Variants in XIRP2 observed in about 807,000 individuals in gnomAD.
XIRP2 encodes the protein xin actin-binding repeat-containing protein 2.
In XIRP2, 236 loss-of-function variants were observed where a neutral mutation model predicts 277.0. That is an observed-to-expected ratio of 0.85 (90% CI 0.77 to 0.95). The LOEUF (loss-of-function observed/expected upper bound fraction) is 0.95. XIRP2 is among the 40% of genes least tolerant of loss of function. The pLI, the probability that XIRP2 is intolerant of heterozygous loss-of-function variation, is 0.00. For synonymous variants in XIRP2, 1,490 were observed against 1,416.5 expected, an observed-to-expected ratio of 1.05 and a Z score of -1.17; for missense variants, 4,640 against 4,157.5, an observed-to-expected ratio of 1.12 and a Z score of -3.19.
Position 167,257,839 on chromosome 2 carries a change from TC to T in XIRP2, c.*40-17del, listed in dbSNP as rs781362037. ...ACAGTAAATACGAACTGCTAAGTGTTCTTTTTCTTTTTGGCAGTTTGGGAAA... is the reference window on the plus strand; with the variant it reads ...ACAGTAAATACGAACTGCTAAGTGTTTTTTTCTTTTTGGCAGTTTGGGAAA... On this transcript the variant is annotated splice_polypyrimidine_tract_variant and intron_variant, in intron 10 of 10. Coordinates refer to ENST00000409195, the MANE Select transcript of XIRP2 (RefSeq NM_152381.6). The T allele has an allele frequency of 6.3e-6, 10 of 1,574,916 alleles. No homozygotes were observed. The Admixed American group carries it at 1.9e-4, about 30-fold the overall frequency.
chr2:167,233,241 A>T (rs887425542), intron 5 of XIRP2, among the ~76,000 whole-genome samples: 1 of 151,960 alleles, frequency 6.6e-6, no homozygotes, highest in Non-Finnish European at 1.5e-5. Flanking sequence ...GTGAGGAATA[A>T]TTGAGGCATA....
At chr2:167,193,846 C>T (rs1385593191) in intron 3 of XIRP2, among the ~76,000 whole-genome samples, 1 of 142,048 alleles carries the variant, frequency 7.0e-6, no homozygotes, top group Non-Finnish European at 1.5e-5. Flanking sequence ...CCACTACACT[C>T]CAGCCTGGGT....
chr2:167,178,715 G>A (rs758254001), intron 3 of XIRP2, among the ~76,000 whole-genome samples: 35 of 151,676 alleles, frequency 2.3e-4, no homozygotes, highest in Non-Finnish European at 3.5e-4. Context: ...CCACCTTAAG[G>A]TGTTTTTCTG....
intron 2 of XIRP2, among the ~76,000 whole-genome samples, chr2:167,058,646 C>T (rs780466294): frequency 1.3e-5 from 2 of 152,264 alleles, no homozygotes; most frequent in African/African-American, 2.4e-5. Context: ...GCCTGGGCCA[C>T]TTTATAGCAT....
rs752578920 is a variant in XIRP2 at position 167,244,333 on chromosome 2, T to C, written c.2941T>C (p.Ser981Pro). ...VTRGAVELNK[S>P]LFETTPLYAI... ...AAGAGGTGCTGTAGAGTTAAATAAA[T>C]CTCTCTTCGAGACAACACCACTGTA... Residue 981 changes from serine (S) to proline (P), a missense_variant, in exon 9 of 11, where the codon TCT becomes CCT. By Grantham distance (74) the Ser-to-Pro change is moderately conservative (BLOSUM62 -1). Transcript: ENST00000409195. 1.9e-6 allele frequency: 3 copies of C among 1,613,674 alleles called. No individual in the cohort carries two copies. The highest frequency in any genetic ancestry group is 2.2e-5 in the East Asian group (1 of 44,830).
intron 3 of XIRP2, among the ~76,000 whole-genome samples, chr2:167,180,388 A>T (rs541932560): frequency 1.3e-5 from 2 of 150,528 alleles, no homozygotes; most frequent in Admixed American, 6.6e-5. Context: ...CATCTCTTTG[A>T]TTTTGCTCCT....
chr2:167,037,708 A>G (rs1688549914), intron 2 of XIRP2, among the ~76,000 whole-genome samples: 1 of 152,112 alleles, frequency 6.6e-6, no homozygotes, highest in African/African-American at 2.4e-5. Context: ...ACTAAAATAA[A>G]TAAATAAATA....
At position 166,994,492 on chromosome 2, in the gene XIRP2, T is replaced by A. The variant is rs1285166362; in HGVS notation, c.408+90602T>A. 5.0e-3 allele frequency among the ~76,000 whole-genome samples: 545 copies of A among 109,108 alleles called. 3 individuals are homozygous for A. The highest frequency in any genetic ancestry group is 0.017 in the African/African-American group (487 of 28,844). The allele number at this position is 109,108 out of a possible 152,430, so 71.6% of individuals were successfully genotyped here. On this transcript the variant is annotated intron_variant, in intron 2 of 10. Transcript: ENST00000409195. ...TAGAGTATAATAAAAAAAAAAAAAT[T>A]AAAAAAAAAAAAAAAAATTTGAAGG...
rs372341217 is a variant in XIRP2 at position 166,936,392 on chromosome 2, A to G, written c.408+32502A>G. 7.0e-4 allele frequency among the ~76,000 whole-genome samples: 107 copies of G among 152,120 alleles called. 1 individual carries two copies. In the East Asian group the frequency reaches 0.015, roughly 22 times the overall value. ...GTTCACTCTGATGGTAGTTTCTTTT[A>G]CTGTGCAGAAGCTCTTTAGTTTAAT... On this transcript the variant is annotated intron_variant, in intron 2 of 10. Coordinates refer to ENST00000409195, the MANE Select transcript of XIRP2 (RefSeq NM_152381.6).
chr2:167,219,686 T>C (rs1183250776), intron 5 of XIRP2, among the ~76,000 whole-genome samples: 2 of 152,228 alleles, frequency 1.3e-5, no homozygotes, highest in African/African-American at 2.4e-5. Flanking sequence ...CAAGGGACTC[T>C]ACGTTTTCAT....
intron 4 of XIRP2, among the ~76,000 whole-genome samples, chr2:167,214,186 AGG>A (rs1367660437): frequency 1.2e-4 from 12 of 103,150 alleles, no homozygotes; most frequent in African/African-American, 4.9e-4. Flanking sequence ...GAAGGAAGGA[AGG>A]AAAGAGAGAG....
chr2:166,896,975 C>A (rs577644615), intron 1 of XIRP2, among the ~76,000 whole-genome samples: 16 of 152,276 alleles, frequency 1.1e-4, no homozygotes, highest in Non-Finnish European at 1.0e-4. Flanking sequence ...AGCCTAGGAG[C>A]AAAGGCTATA....
At chr2:167,182,045 G>A (rs1196444831) in intron 3 of XIRP2, among the ~76,000 whole-genome samples, 1 of 152,096 alleles carries the variant, frequency 6.6e-6, no homozygotes, top group Non-Finnish European at 1.5e-5. Context: ...TGAGTCATAT[G>A]CCCAAAGACC....
At chr2:167,028,362 A>G (rs375615062) in intron 2 of XIRP2, among the ~76,000 whole-genome samples, 3 of 152,178 alleles carry the variant, frequency 2.0e-5, no homozygotes, top group East Asian at 1.9e-4. Context: ...GGACATACTG[A>G]GAGACTCCAT....
intron 1 of XIRP2, among the ~76,000 whole-genome samples, chr2:166,896,065 GT>G (rs1684233877): frequency 6.6e-6 from 1 of 152,066 alleles, no homozygotes; most frequent in Non-Finnish European, 1.5e-5. Context: ...GGACAAATAA[GT>G]TAAGGACAAC....
At chr2:166,920,151 G>A (rs149771181) in intron 2 of XIRP2, among the ~76,000 whole-genome samples, 154 of 152,218 alleles carry the variant, frequency 1.0e-3, no homozygotes, top group African/African-American at 3.5e-3. Context: ...TGAACACTGC[G>A]TATCTACCAG....
In XIRP2 at chr2:167,251,720, A is replaced by T. The variant is rs756413916; in HGVS notation, c.10328A>T (p.Glu3443Val). 37 of 1,613,264 alleles carry T rather than the reference A, an allele frequency of 2.3e-5. No individual in the cohort carries two copies. The highest frequency in any genetic ancestry group is 8.5e-6 in the Non-Finnish European group (10 of 1,179,600). The change falls in exon 9 of 11, where the codon GAA (glutamate) becomes GTA (valine). Residue 3443 changes from glutamate to valine, a missense_variant. Coordinates refer to ENST00000409195, the MANE Select transcript of XIRP2 (RefSeq NM_152381.6). ...AAAACCTCTTCATCACATAGCTCAGAAGCTGGCAAATCTGGCTGTGACTTC... is the reference window on the plus strand; with the variant it reads ...AAAACCTCTTCATCACATAGCTCAGTAGCTGGCAAATCTGGCTGTGACTTC... Reference protein sequence around the residue: ...KMKTSSSHSSEAGKSGCDFKH... With the variant: ...KMKTSSSHSSVAGKSGCDFKH...
chr2:167,186,017 G>A (rs1228813461), intron 3 of XIRP2, among the ~76,000 whole-genome samples: 1 of 152,140 alleles, frequency 6.6e-6, no homozygotes, highest in Admixed American at 6.6e-5. Flanking sequence ...TTTCTGCAAT[G>A]TTGGAAATGT....
intron 3 of XIRP2, among the ~76,000 whole-genome samples, chr2:167,151,574 A>G (rs903879882): frequency 6.6e-6 from 1 of 152,178 alleles, no homozygotes; most frequent in Non-Finnish European, 1.5e-5. Flanking sequence ...CAATGCAACC[A>G]TGCATAAAAC....
Sources: gnomAD v4.1 joint callset for allele counts (sites outside exome capture counted in the v4.1 genomes callset) on GRCh38, gnomAD v4.1.1 for gene constraint, MANE v1.5 for transcripts, NCBI Gene and HGNC (gene_info 2026-07-23, HGNC 2026-07-21) for gene names.